The following STX8 variants were observed in gnomAD, a reference collection of about 807,000 sequenced individuals.
STX8 encodes syntaxin-8.
In STX8, 23 loss-of-function variants were observed where a neutral mutation model predicts 37.5. The ratio of observed to expected loss-of-function variants is 0.61; its 90% CI spans 0.44 to 0.87. The LOEUF is 0.87. STX8 is among the 40% of genes least tolerant of loss of function. The pLI is 0.00. For missense variants in STX8, 313 were observed against 284.7 expected (o/e 1.10, Z -0.71); for synonymous variants, 115 against 99.1 (o/e 1.16, Z -0.95).
At chr17:9,357,905 C>T (rs1423950693) in intron 7 of STX8, among the ~76,000 whole-genome samples, 1 of 152,056 alleles carries the variant, frequency 6.6e-6, no homozygotes, top group Non-Finnish European at 1.5e-5. Context: ...AGAGGATTTC[C>T]ATTAGTTTCC....
chr17:9,377,633 TG>T (rs928547418), intron 7 of STX8, among the ~76,000 whole-genome samples: 2 of 152,160 alleles, frequency 1.3e-5, no homozygotes, highest in Admixed American at 6.5e-5. Flanking sequence ...GCTATTTTTT[TG>T]TATCTTTAGT....
chr17:9,331,488 G>T (rs545627239), intron 7 of STX8, among the ~76,000 whole-genome samples: 4 of 152,266 alleles, frequency 2.6e-5, no homozygotes, highest in Middle Eastern at 3.4e-3. Flanking sequence ...AGCTGCCCAG[G>T]GTGGGTTGCG....
At chr17:9,475,416 G>A (rs572314060) in intron 6 of STX8, among the ~76,000 whole-genome samples, 2 of 152,312 alleles carry the variant, frequency 1.3e-5, no homozygotes, top group Non-Finnish European at 2.9e-5. Context: ...GGCAGCCACA[G>A]AATGGCCTAC....
chr17:9,354,262 A>C (rs959138579), intron 7 of STX8, among the ~76,000 whole-genome samples: 3 of 151,856 alleles, frequency 2.0e-5, no homozygotes, highest in Non-Finnish European at 4.4e-5. Context: ...ACATACTATA[A>C]TCATGCTTCC....
At chr17:9,544,690 C>T (rs941323369) in intron 4 of STX8, among the ~76,000 whole-genome samples, 1 of 152,026 alleles carries the variant, frequency 6.6e-6, no homozygotes, top group African/African-American at 2.4e-5. Context: ...GTTTACTAAA[C>T]CCAGAAAATT....
intron 4 of STX8, among the ~76,000 whole-genome samples, chr17:9,515,218 A>AT (rs61593410): frequency 7.2e-5 from 11 of 152,034 alleles, no homozygotes; most frequent in Admixed American, 2.0e-4. Flanking sequence ...CAATTATTGC[A>AT]TTTTTTTACA....
intron 4 of STX8, among the ~76,000 whole-genome samples, chr17:9,517,821 A>AGC (rs1905199639): frequency 6.7e-6 from 1 of 150,112 alleles, no homozygotes; most frequent in Admixed American, 6.7e-5. Context: ...AGGCAAAGAG[A>AGC]CTTAAGGCAG....
chr17:9,485,049 G>A (rs971371479), intron 6 of STX8, among the ~76,000 whole-genome samples: 1 of 152,208 alleles, frequency 6.6e-6, no homozygotes, highest in Non-Finnish European at 1.5e-5. Context: ...GGCTACTGAG[G>A]AGGCTGAAGC....
intron 7 of STX8, among the ~76,000 whole-genome samples, chr17:9,326,898 G>A (rs970725281): frequency 5.3e-5 from 8 of 152,188 alleles, no homozygotes; most frequent in African/African-American, 1.9e-4. Context: ...GGTGGCTCAC[G>A]CCTGTAATCC....
intron 6 of STX8, among the ~76,000 whole-genome samples, chr17:9,428,921 G>A (rs2142363941): frequency 6.6e-6 from 1 of 152,202 alleles, no homozygotes; most frequent in South Asian, 2.1e-4. Context: ...ATAGCAAAGT[G>A]TCATATTTCT....
Position 9,250,616 on chromosome 17 carries a change from C to T in STX8, c.673G>A (p.Val225Met). ...GMIMVILLLL[V>M]AIVVVAVWPT... ...CAGACTGCAACAACCACGATAGCCA[C>T]AAGCAGCAGTAAAATCACCATGATC... The change falls in exon 8 of 8, where the codon GTG becomes ATG. Residue 225 changes from valine (V) to methionine (M), a missense_variant. Physicochemically the swap from Val to Met is conservative, Grantham distance 21. Transcript: ENST00000306357. 1.9e-6 allele frequency: 3 copies of T among 1,600,986 alleles called. No homozygotes were observed. The South Asian group carries it at 3.4e-5, about 18-fold the overall frequency.
At chr17:9,452,037 A>G (rs1203738923) in intron 6 of STX8, among the ~76,000 whole-genome samples, 1 of 152,242 alleles carries the variant, frequency 6.6e-6, no homozygotes, top group Non-Finnish European at 1.5e-5. Flanking sequence ...CTGGAGTCAA[A>G]TAATAATGTG....
intron 6 of STX8, among the ~76,000 whole-genome samples, chr17:9,453,521 C>A (rs189757603): frequency 3.6e-4 from 46 of 127,344 alleles, no homozygotes; most frequent in African/African-American, 1.3e-3. Context: ...GAGATGGGGT[C>A]TCACTCTGTT....
At chr17:9,298,126 T>C (rs2142173237) in intron 7 of STX8, among the ~76,000 whole-genome samples, 1 of 149,554 alleles carries the variant, frequency 6.7e-6, no homozygotes, top group Middle Eastern at 3.4e-3. Context: ...TCCGTTCCCA[T>C]TTAAAATGGA....
In STX8 at chr17:9,527,185, CAAA is replaced by C. The variant is rs61665330; in HGVS notation, c.323+17984_323+17986del. Among the ~76,000 whole-genome samples the C allele has an allele frequency of 6.0e-5, 3 of 49,630 alleles. 1 individual carries two copies. Among genetic ancestry groups the C allele is most frequent in the East Asian group, 1.7e-3 (2 of 1,152 alleles). 32.6% of individuals were successfully genotyped at this position (49,630 alleles called of 152,430 possible). On this transcript the variant is annotated intron_variant, in intron 4 of 7. Coordinates refer to ENST00000306357, the MANE Select transcript of STX8 (RefSeq NM_004853.3). ...TGGGCGACAGAGCGAGACTCCGTCT[CAAA>C]AAAAAAAAAAAAAAAGAGGCTGAGG...
At chr17:9,329,481 G>A (rs1909892361) in intron 7 of STX8, among the ~76,000 whole-genome samples, 1 of 152,210 alleles carries the variant, frequency 6.6e-6, no homozygotes, top group South Asian at 2.1e-4. Context: ...GTCACTGGGT[G>A]AGGGACACTG....
rs1243120207 is a variant in STX8 at position 9,362,120 on chromosome 17, C to G, written c.643+16432G>C. On this transcript the variant is annotated intron_variant, in intron 7 of 7. Coordinates refer to ENST00000306357, the MANE Select transcript of STX8 (RefSeq NM_004853.3). ...CTGAAGTGGGCAGATCACTTGAGGTCAGGAGTTCAAGATCAGCCTGGCCAC... is the reference window on the plus strand; with the variant it reads ...CTGAAGTGGGCAGATCACTTGAGGTGAGGAGTTCAAGATCAGCCTGGCCAC... Among the ~76,000 whole-genome samples, 3 of 152,262 alleles carry G rather than the reference C, an allele frequency of 2.0e-5. No individual in the cohort carries two copies. The East Asian group carries it at 5.8e-4, about 29-fold the overall frequency.
chr17:9,380,793 A>T (rs1911783140), intron 6 of STX8, among the ~76,000 whole-genome samples: 1 of 144,886 alleles, frequency 6.9e-6, no homozygotes, highest in African/African-American at 2.5e-5. Context: ...AGCTCACCAC[A>T]ACCTCTGCCT....
intron 7 of STX8, among the ~76,000 whole-genome samples, chr17:9,350,559 C>G (rs191288449): frequency 6.6e-6 from 1 of 151,590 alleles, no homozygotes; most frequent in Non-Finnish European, 1.5e-5. Flanking sequence ...TTTTTTGAGA[C>G]GGAGTCTCTG....
Sources: allele counts gnomAD v4.1 joint callset (sites outside exome capture counted in the v4.1 genomes callset), GRCh38; gene constraint gnomAD v4.1.1; transcripts MANE v1.5; gene names NCBI Gene and HGNC (gene_info 2026-07-23, HGNC 2026-07-21).